The following SH3BGRL2 variants were observed in gnomAD, a reference collection of about 807,000 sequenced individuals.
The protein encoded by SH3BGRL2 is SH3 domain-binding glutamic acid-rich-like protein 2.
A neutral mutation model predicts 14.8 loss-of-function variants in SH3BGRL2; 21 were observed. The observed-to-expected ratio is 1.42, with a 90% CI of 1.01 to 2.05. The LOEUF is 2.05. SH3BGRL2 is among the 30% of genes most tolerant of loss of function. SH3BGRL2 has a pLI of 0.00. For missense variants in SH3BGRL2, 147 were observed against 130.8 expected, an observed-to-expected ratio of 1.12 and a Z score of -0.61; for synonymous variants, 50 against 47.8, an observed-to-expected ratio of 1.05 and a Z score of -0.19.
intron 1 of SH3BGRL2, among the ~76,000 whole-genome samples, chr6:79,647,899 T>G (rs1403475917): frequency 6.6e-6 from 1 of 152,106 alleles, no homozygotes; most frequent in Non-Finnish European, 1.5e-5. Context: ...CCCTTTGTTT[T>G]AGACTTAATG....
chr6:79,687,751 T>TA (rs1770130579), intron 2 of SH3BGRL2, among the ~76,000 whole-genome samples: 1 of 152,248 alleles, frequency 6.6e-6, no homozygotes, highest in Non-Finnish European at 1.5e-5. Context: ...AATTGCTTTT[T>TA]AAAAAATATT....
chr6:79,585,053 T>TC, the SH3BGRL2 span, among the ~76,000 whole-genome samples: 1 of 137,024 alleles, frequency 7.3e-6, no homozygotes, highest in African/African-American at 2.6e-5. Flanking sequence ...CCTTTTTTTT[T>TC]TAAAAAAAAA....
chr6:79,682,000 TAC>T lies in SH3BGRL2; in HGVS notation c.231+8214_231+8215del, dbSNP rs34734780. Among the ~76,000 whole-genome samples the T allele has an allele frequency of 4.1e-3, 610 of 149,122 alleles. 9 individuals carry two copies. Among genetic ancestry groups the T allele is most frequent in the African/African-American group, 0.014 (558 of 40,742 alleles). On this transcript the variant is annotated intron_variant, in intron 2 of 3. Coordinates refer to ENST00000369838, the MANE Select transcript of SH3BGRL2 (RefSeq NM_031469.4). ...AAAAAAGATCACTACACTATTATTT[TAC>T]ACACACACACACTACACACACACAC... is the stretch of plus-strand genomic sequence containing the variant.
intron 1 of SH3BGRL2, among the ~76,000 whole-genome samples, chr6:79,662,964 A>G (rs1769584127): frequency 6.6e-6 from 1 of 152,132 alleles, no homozygotes; most frequent in Non-Finnish European, 1.5e-5. Flanking sequence ...TGCATGTGCT[A>G]CGAAGTTCTC....
intron 2 of SH3BGRL2, among the ~76,000 whole-genome samples, chr6:79,690,186 C>A (rs1004219348): frequency 6.6e-6 from 1 of 151,886 alleles, no homozygotes; most frequent in South Asian, 2.1e-4. Flanking sequence ...GAGACGGGGT[C>A]TTGCTGTGTT....
the SH3BGRL2 span, among the ~76,000 whole-genome samples, chr6:79,586,679 G>T: frequency 6.6e-6 from 1 of 152,128 alleles, no homozygotes; most frequent in African/African-American, 2.4e-5. Flanking sequence ...GAACAGCCTG[G>T]CTATTCTCTG....
chr6:79,579,470 C>T, the SH3BGRL2 span, among the ~76,000 whole-genome samples: 1 of 152,126 alleles, frequency 6.6e-6, no homozygotes, highest in Non-Finnish European at 1.5e-5. Flanking sequence ...ACCCCACAAC[C>T]CAGAAGAGAG....
the SH3BGRL2 span, among the ~76,000 whole-genome samples, chr6:79,624,433 A>G: frequency 6.6e-6 from 1 of 152,068 alleles, no homozygotes; most frequent in Non-Finnish European, 1.5e-5. Flanking sequence ...CAAAATAAAA[A>G]TAAAGAACAA....
chr6:79,597,242 G>T, the SH3BGRL2 span, among the ~76,000 whole-genome samples: 6 of 130,494 alleles, frequency 4.6e-5, no homozygotes, highest in Admixed American at 4.8e-4. Flanking sequence ...AAAAAAAGAA[G>T]AAAGAAGAAG....
the SH3BGRL2 span, among the ~76,000 whole-genome samples, chr6:79,546,997 G>A: frequency 8.1e-4 from 123 of 152,214 alleles, no homozygotes; most frequent in African/African-American, 2.8e-3. Context: ...AAACTCTTTT[G>A]TAACTTTGTG....
chr6:79,592,414 G>A, the SH3BGRL2 span, among the ~76,000 whole-genome samples: 3 of 152,176 alleles, frequency 2.0e-5, no homozygotes, highest in Admixed American at 1.3e-4. Context: ...AAGAAACTGT[G>A]AGTGTGATAT....
At chr6:79,556,672 A>G in the SH3BGRL2 span, among the ~76,000 whole-genome samples, 2 of 151,988 alleles carry the variant, frequency 1.3e-5, no homozygotes, top group African/African-American at 2.4e-5. Flanking sequence ...AGATCTTCCT[A>G]AAAACAAAAC....
intron 1 of SH3BGRL2, among the ~76,000 whole-genome samples, chr6:79,644,219 T>G (rs1442421980): frequency 1.3e-5 from 2 of 152,020 alleles, no homozygotes; most frequent in African/African-American, 4.8e-5. Flanking sequence ...TTCTTGTGAG[T>G]GGAAGGAGTT....
chr6:79,572,490 T>G, the SH3BGRL2 span, among the ~76,000 whole-genome samples: 1 of 151,748 alleles, frequency 6.6e-6, no homozygotes, highest in South Asian at 2.1e-4. Flanking sequence ...TTTTGAGACA[T>G]AGTCTCACTC....
intron 1 of SH3BGRL2, among the ~76,000 whole-genome samples, chr6:79,642,230 A>G (rs544579408): frequency 1.9e-4 from 29 of 152,150 alleles, no homozygotes; most frequent in Non-Finnish European, 3.8e-4. Flanking sequence ...TCATTCCCTA[A>G]ATAATATAGT....
chr6:79,658,242 A>G (rs1415130701), intron 1 of SH3BGRL2, among the ~76,000 whole-genome samples: 2 of 152,130 alleles, frequency 1.3e-5, no homozygotes, highest in Non-Finnish European at 2.9e-5. Flanking sequence ...GGTTTGCTGC[A>G]CCCATCAACT....
chr6:79,572,173 A>C, the SH3BGRL2 span, among the ~76,000 whole-genome samples: 16 of 152,158 alleles, frequency 1.1e-4, no homozygotes, highest in African/African-American at 3.6e-4. Context: ...GTATTAACTC[A>C]TTTTTTCTGC....
At chr6:79,586,365 A>G in the SH3BGRL2 span, among the ~76,000 whole-genome samples, 3 of 150,518 alleles carry the variant, frequency 2.0e-5, no homozygotes, top group Non-Finnish European at 4.4e-5. Context: ...CCTCTGCTCT[A>G]AAGACATTAG....
At chr6:79,666,415 A>G (rs1226458909) in intron 1 of SH3BGRL2, among the ~76,000 whole-genome samples, 2 of 152,256 alleles carry the variant, frequency 1.3e-5, no homozygotes, top group Non-Finnish European at 2.9e-5. Flanking sequence ...AGGGCAGATC[A>G]TGAATGGCTT....
Sources: allele counts gnomAD v4.1 joint callset (sites outside exome capture counted in the v4.1 genomes callset), GRCh38; gene constraint gnomAD v4.1.1; transcripts MANE v1.5; gene names NCBI Gene and HGNC (gene_info 2026-07-23, HGNC 2026-07-21).